Variants in SLC9A3 observed in about 807,000 individuals in gnomAD.
The protein encoded by SLC9A3 is solute carrier family 9 member A3.
Under a neutral mutation model 86.8 loss-of-function variants are expected in SLC9A3, and 37 were observed. The observed-to-expected ratio is 0.43, with a 90% CI of 0.33 to 0.56. The LOEUF (loss-of-function observed/expected upper bound fraction) is 0.56. SLC9A3 is among the 20% of genes least tolerant of loss of function. SLC9A3 has a pLI of 0.06. For missense variants in SLC9A3, 1,011 were observed against 1,171.9 expected (o/e 0.86, Z 2.00); for synonymous variants, 581 against 528.3 (o/e 1.10, Z -1.37).
At chr5:516,775 T>G (rs1733743667) in intron 1 of SLC9A3, among the ~76,000 whole-genome samples, 1 of 152,204 alleles carries the variant, frequency 6.6e-6, no homozygotes, top group Non-Finnish European at 1.5e-5. Context: ...CTGCAATTGC[T>G]TGTCAATGAT....
At chr5:475,994 G>A (rs1468463432) in intron 14 of SLC9A3, 26 bp downstream of exon 14, 1 of 1,583,276 alleles carries the variant, frequency 6.3e-7, no homozygotes, top group African/African-American at 1.4e-5. Context: ...CCCAGTCCCA[G>A]CGTTCCTGCA....
At chr5:514,024 C>T (rs576591913) in intron 1 of SLC9A3, among the ~76,000 whole-genome samples, 2 of 152,320 alleles carry the variant, frequency 1.3e-5, no homozygotes, top group East Asian at 1.9e-4. Flanking sequence ...TGGGTGTGGG[C>T]GGTGGGCAAA....
At chr5:493,916 C>T (rs554058913) in intron 1 of SLC9A3, among the ~76,000 whole-genome samples, 75 of 152,314 alleles carry the variant, frequency 4.9e-4, no homozygotes, top group Non-Finnish European at 5.9e-4. Context: ...TGGAACCACG[C>T]GACAGTGATA....
At chr5:507,446 TG>T (rs1241935758) in intron 1 of SLC9A3, among the ~76,000 whole-genome samples, 11 of 151,820 alleles carry the variant, frequency 7.2e-5, no homozygotes, top group Admixed American at 7.2e-4. Flanking sequence ...TACTATTTTT[TG>T]TAGAGATTTT....
intron 1 of SLC9A3, among the ~76,000 whole-genome samples, chr5:501,920 G>A (rs1196889856): frequency 3.9e-5 from 6 of 152,216 alleles, no homozygotes; most frequent in East Asian, 1.9e-4. Context: ...CGGGGGCCAC[G>A]CAGGAAGCCC....
At chr5:495,007 GGGCACGTGTGGCCCCTCGGTGCCCGCC>G (rs1386381904) in intron 1 of SLC9A3, among the ~76,000 whole-genome samples, 17 of 152,162 alleles carry the variant, frequency 1.1e-4, no homozygotes, top group Admixed American at 2.0e-4. Flanking sequence ...GCAGCCAGCG[GGGCACGTGTGGCCCCTCGGTGCCCGCC>G]GGCACGTGGG....
chr5:475,269 T>TTTTTTAA, intron 15 of SLC9A3, 137 bp from the exon 16 acceptor site: 1 of 856,266 alleles, frequency 1.2e-6, no homozygotes, highest in Non-Finnish European at 1.8e-6. Flanking sequence ...GCCTTTCAGG[T>TTTTTTAA]TGCGGGCCCT....
chr5:475,730 A>T (rs946895550), intron 14 of SLC9A3, 59 bp from the exon 15 acceptor site: 5 of 946,940 alleles, frequency 5.3e-6, no homozygotes, highest in Non-Finnish European at 8.4e-6. Context: ...CTCACAGCCC[A>T]GTCAGCAGTG....
intron 1 of SLC9A3, among the ~76,000 whole-genome samples, chr5:501,853 T>C (rs1375636162): frequency 6.6e-6 from 1 of 152,156 alleles, no homozygotes; most frequent in Non-Finnish European, 1.5e-5. Flanking sequence ...CGTCCCTGCC[T>C]GCGGGTGCAG....
chr5:490,908 C>T (rs569429607), intron 2 of SLC9A3, among the ~76,000 whole-genome samples: 6 of 152,208 alleles, frequency 3.9e-5, no homozygotes, highest in African/African-American at 9.6e-5. Flanking sequence ...CAAGGAACCA[C>T]GTGCTGGGTG....
intron 1 of SLC9A3, among the ~76,000 whole-genome samples, chr5:522,054 C>G (rs971439094): frequency 6.6e-6 from 1 of 152,158 alleles, no homozygotes; most frequent in Admixed American, 6.5e-5. Context: ...AAGGGCAGGT[C>G]TGGAGAGGGT....
rs1016256564 is a variant in SLC9A3, at chr5:472,110, G to A, written c.*1269C>T. On this transcript the variant is annotated 3_prime_UTR_variant, in exon 17 of 17. Transcript: ENST00000264938. ...ACCCTGTGGGACTTGCCGTCTGAGG[G>A]ATGGATGGACTCCGAGCACCCTCCC... 1 of 414,080 alleles carries A rather than the reference G, an allele frequency of 2.4e-6. No homozygotes were observed. The highest frequency in any genetic ancestry group is 4.9e-6 in the Non-Finnish European group (1 of 205,574). 25.7% of individuals were successfully genotyped at this position (414,080 alleles called of 1,614,324 possible).
intron 15 of SLC9A3, 44 bp from the exon 16 acceptor site, chr5:475,176 C>T (rs768349009): frequency 1.2e-5 from 18 of 1,525,018 alleles, no homozygotes; most frequent in African/African-American, 1.4e-5. Context: ...GAGAGCCCCA[C>T]GGCGGCAGGG....
intron 1 of SLC9A3, among the ~76,000 whole-genome samples, chr5:503,706 G>A (rs34644402): frequency 0.36 from 55,334 of 152,170 alleles, 10,377 homozygotes; most frequent in Middle Eastern, 0.47. Flanking sequence ...CTGTGGGCAC[G>A]GCACAGTCAG....
chr5:523,847 G>C (rs1469370740), intron 1 of SLC9A3, among the ~76,000 whole-genome samples: 1 of 152,216 alleles, frequency 6.6e-6, no homozygotes, highest in African/African-American at 2.4e-5. Flanking sequence ...GCGGGGCGGA[G>C]ACCCCACAGG....
intron 3 of SLC9A3, among the ~76,000 whole-genome samples, chr5:486,342 C>G (rs1739462139): frequency 6.6e-6 from 1 of 152,212 alleles, no homozygotes; most frequent in South Asian, 2.1e-4. Flanking sequence ...TGCACGTGCC[C>G]CTCGGATGGC....
rs2126626330 is a variant in SLC9A3, at chr5:488,430, G to A, written c.561C>T (p.Leu187=). Residue 187 remains leucine (L), a synonymous_variant, in exon 3 of 17, where the codon CTC becomes CTT. Transcript: ENST00000264938. Reference sequence around the variant, plus strand: ...CGGCCACCGGGTCCACAGCCGCCATGAGGCTGCCAAACAGGAGGAAGTCCA... The same window carrying A: ...CGGCCACCGGGTCCACAGCCGCCATAAGGCTGCCAAACAGGAGGAAGTCCA... ...GLLDFLLFGS[L]MAAVDPVAVL... The A allele has an allele frequency of 1.9e-6, 3 of 1,599,276 alleles. No individual in the cohort carries two copies. The highest frequency in any genetic ancestry group is 1.7e-5 in the Admixed American group (1 of 58,830).
At chr5:476,176 C>T in intron 13 of SLC9A3, 26 bp downstream of exon 13, 2 of 1,613,060 alleles carry the variant, frequency 1.2e-6, no homozygotes, top group Non-Finnish European at 8.5e-7. Context: ...CCAGCCCCGC[C>T]AAGCCTCCTG....
chr5:495,130 G>T (rs1029662397), intron 1 of SLC9A3, among the ~76,000 whole-genome samples: 12 of 151,960 alleles, frequency 7.9e-5, no homozygotes, highest in Admixed American at 5.2e-4. Context: ...GACCTGGGAA[G>T]CAGCGGGAGT....
Sources: gnomAD v4.1 joint callset for allele counts (sites outside exome capture counted in the v4.1 genomes callset) on GRCh38, gnomAD v4.1.1 for gene constraint, MANE v1.5 for transcripts, NCBI Gene and HGNC (gene_info 2026-07-23, HGNC 2026-07-21) for gene names.